The following ASCC1 variants were observed in gnomAD, a reference collection of about 807,000 sequenced individuals.
ASCC1 encodes the protein ASC-1 complex subunit P50.
ASCC1 carries 35 observed loss-of-function variants against 46.6 expected under a neutral mutation model. The ratio of observed to expected loss-of-function variants is 0.75; its 90% CI spans 0.57 to 0.99. The LOEUF (loss-of-function observed/expected upper bound fraction) is 0.99, where lower values mean the gene tolerates loss of function less well. Ranked by LOEUF, ASCC1 falls within the 50% of genes least tolerant of loss-of-function variation. The pLI is 0.00. For synonymous variants in ASCC1, 143 were observed against 146.6 expected (o/e 0.98, Z 0.18); for missense variants, 376 against 428.7 (o/e 0.88, Z 1.09).
chr10:72,180,471 C>T (rs879352737), intron 5 of ASCC1, among the ~76,000 whole-genome samples: 1 of 151,866 alleles, frequency 6.6e-6, no homozygotes, highest in Non-Finnish European at 1.5e-5. Context: ...ACTAAAAATA[C>T]AAAAATTAGC....
chr10:72,154,592 A>T (rs969641776), intron 6 of ASCC1, among the ~76,000 whole-genome samples: 8 of 151,894 alleles, frequency 5.3e-5, no homozygotes, highest in African/African-American at 1.9e-4. Flanking sequence ...CCCAGGTTCA[A>T]GCAATTCTTG....
intron 3 of ASCC1, chr10:72,204,572 A>G: frequency 6.5e-7 from 1 of 1,528,040 alleles, no homozygotes; most frequent in Non-Finnish European, 8.8e-7. Flanking sequence ...AGGGCTATCA[A>G]GTTAAGAACT....
At chr10:72,198,015 AAAGGG>A (rs1219071897) in intron 4 of ASCC1, among the ~76,000 whole-genome samples, 1 of 51,536 alleles carries the variant, frequency 1.9e-5, no homozygotes. Flanking sequence ...CGAGAAAGAA[AAAGGG>A]AAGGGAAGGG....
intron 8 of ASCC1, among the ~76,000 whole-genome samples, chr10:72,128,982 A>G (rs933658875): frequency 2.0e-5 from 3 of 152,246 alleles, no homozygotes; most frequent in African/African-American, 7.2e-5. Flanking sequence ...CCACTGACAG[A>G]CCTTCAAAAA....
chr10:72,140,930 A>G (rs1846889280), intron 7 of ASCC1, among the ~76,000 whole-genome samples: 1 of 152,180 alleles, frequency 6.6e-6, no homozygotes, highest in Non-Finnish European at 1.5e-5. Flanking sequence ...CAGGCTTTAC[A>G]GTCAAACAGA....
intron 9 of ASCC1, among the ~76,000 whole-genome samples, chr10:72,124,943 CAA>C (rs1412353413): frequency 6.6e-6 from 1 of 152,064 alleles, no homozygotes; most frequent in Non-Finnish European, 1.5e-5. Context: ...GTTCTTAATT[CAA>C]AGTCTTTCTT....
chr10:72,205,920 G>T (rs983311506), intron 3 of ASCC1, among the ~76,000 whole-genome samples: 1 of 149,960 alleles, frequency 6.7e-6, no homozygotes, highest in African/African-American at 2.5e-5. Context: ...CCTGGCCAAC[G>T]TGGTGAAACA....
At chr10:72,131,391 G>A (rs12784395) in intron 8 of ASCC1, among the ~76,000 whole-genome samples, 55,148 of 150,642 alleles carry the variant, frequency 0.37, 11,155 homozygotes, top group Non-Finnish European at 0.46. Context: ...TGCACACTCC[G>A]GCCTGGGCGA....
upstream of ASCC1, among the ~76,000 whole-genome samples, chr10:72,216,595 T>G (rs183439160): frequency 5.0e-4 from 76 of 152,116 alleles, no homozygotes; most frequent in East Asian, 0.014. Context: ...TGTAATAATT[T>G]GCCTTTGTAC....
At chr10:72,190,120 T>C (rs969638146) in intron 5 of ASCC1, 1 of 760,484 alleles carries the variant, frequency 1.3e-6, no homozygotes, top group Non-Finnish European at 2.4e-6. Context: ...AAGGTTACAT[T>C]ATATATAGGA....
intron 9 of ASCC1, among the ~76,000 whole-genome samples, chr10:72,122,374 C>T (rs1309265891): frequency 3.3e-5 from 5 of 149,700 alleles, no homozygotes; most frequent in South Asian, 4.2e-4. Context: ...GAGCCAAAAT[C>T]GTGCCACTGC....
chr10:72,173,242 T>C (rs915344032), intron 5 of ASCC1, among the ~76,000 whole-genome samples: 2 of 152,032 alleles, frequency 1.3e-5, no homozygotes, highest in Admixed American at 1.3e-4. Flanking sequence ...TGATATTCCA[T>C]TGCTCTTTCT....
At chr10:72,139,114 C>CTTTT (rs1222967667) in intron 7 of ASCC1, among the ~76,000 whole-genome samples, 6 of 130,718 alleles carry the variant, frequency 4.6e-5, no homozygotes, top group African/African-American at 1.5e-4. Context: ...TTTTCTTTTT[C>CTTTT]TTTTTTTTTT....
chr10:72,162,253 C>T (rs1394387920), intron 5 of ASCC1, among the ~76,000 whole-genome samples: 1 of 152,168 alleles, frequency 6.6e-6, no homozygotes, highest in Non-Finnish European at 1.5e-5. Context: ...TCACTGCAAG[C>T]TCTGCCTCCT....
intron 9 of ASCC1, among the ~76,000 whole-genome samples, chr10:72,125,514 G>A (rs757034320): frequency 2.6e-5 from 4 of 152,118 alleles, no homozygotes; most frequent in Non-Finnish European, 5.9e-5. Context: ...CAGGAGCCAT[G>A]GATTCTCATG....
intron 9 of ASCC1, among the ~76,000 whole-genome samples, chr10:72,116,565 T>C (rs1843516294): frequency 6.6e-6 from 1 of 152,226 alleles, no homozygotes; most frequent in South Asian, 2.1e-4. Context: ...GAACGTTTTG[T>C]TCTCTTTCTG....
At chr10:72,175,604 C>T (rs1034188923) in intron 5 of ASCC1, among the ~76,000 whole-genome samples, 3 of 152,136 alleles carry the variant, frequency 2.0e-5, no homozygotes, top group Admixed American at 1.3e-4. Context: ...GTTCTTAAAA[C>T]GTGGACAAAC....
chr10:72,188,030 C>T (rs1853763143), intron 5 of ASCC1, among the ~76,000 whole-genome samples: 1 of 151,846 alleles, frequency 6.6e-6, no homozygotes, highest in Non-Finnish European at 1.5e-5. Flanking sequence ...CAATCTGAAT[C>T]TATTCACCTA....
intron 5 of ASCC1, among the ~76,000 whole-genome samples, chr10:72,171,426 TTCC>T (rs2132846453): frequency 6.6e-6 from 1 of 152,206 alleles, no homozygotes; most frequent in South Asian, 2.1e-4. Context: ...CCTTCCTGAT[TTCC>T]TCTTTTTTTT....
Sources: gnomAD v4.1 joint callset for allele counts (sites outside exome capture counted in the v4.1 genomes callset) on GRCh38, gnomAD v4.1.1 for gene constraint, MANE v1.5 for transcripts, NCBI Gene and HGNC (gene_info 2026-07-23, HGNC 2026-07-21) for gene names.